Variants in TAOK3 observed in about 807,000 individuals in gnomAD.
TAOK3 encodes the protein serine/threonine-protein kinase TAO3.
A neutral mutation model predicts 120.4 loss-of-function variants in TAOK3; 40 were observed. The ratio of observed to expected loss-of-function variants is 0.33; its 90% CI spans 0.26 to 0.43. The LOEUF is 0.43. Among genes scored for constraint, TAOK3 ranks in the 20% least tolerant of loss-of-function variants. The probability of loss-of-function intolerance (pLI) is 1.00; values close to 1 mark genes in which losing one functional copy is unlikely to be tolerated. For missense variants in TAOK3, 821 were observed against 1,112.1 expected (o/e 0.74, Z 3.72); for synonymous variants, 355 against 387.5 (o/e 0.92, Z 0.99).
chr12:118,316,792 A>C (rs1309809213), intron 1 of TAOK3, among the ~76,000 whole-genome samples: 1 of 152,214 alleles, frequency 6.6e-6, no homozygotes, highest in African/African-American at 2.4e-5. Context: ...TAAATTTAGC[A>C]AAGTTCCAGG....
chr12:118,222,682 C>G (rs2039295539), intron 9 of TAOK3, among the ~76,000 whole-genome samples: 1 of 151,976 alleles, frequency 6.6e-6, no homozygotes, highest in Admixed American at 6.6e-5. Flanking sequence ...ATTGGAAAAC[C>G]AAACAGCATT....
chr12:118,211,730 CTCAG>C (rs1286996465), intron 11 of TAOK3, among the ~76,000 whole-genome samples: 1 of 152,020 alleles, frequency 6.6e-6, no homozygotes, highest in East Asian at 1.9e-4. Flanking sequence ...ATCCTCCTGC[CTCAG>C]CCTCCTGAGA....
intron 17 of TAOK3, among the ~76,000 whole-genome samples, chr12:118,168,135 A>G (rs1297893399): frequency 6.6e-6 from 1 of 152,108 alleles, no homozygotes; most frequent in Non-Finnish European, 1.5e-5. Flanking sequence ...ATTAATGGAG[A>G]CTGTTTGAGG....
chr12:118,288,297 A>G (rs1220583936), intron 1 of TAOK3, among the ~76,000 whole-genome samples: 1 of 152,074 alleles, frequency 6.6e-6, no homozygotes, highest in Non-Finnish European at 1.5e-5. Context: ...CCCCCAATTC[A>G]TATGTAGAAA....
At position 118,162,060 on chromosome 12, in the gene TAOK3, G is replaced by A. The variant is rs201446583; in HGVS notation, c.1900-33C>T. 1.3e-4 allele frequency: 208 copies of A among 1,605,266 alleles called. 2 individuals carry two copies. In the South Asian group the frequency reaches 2.2e-3, roughly 17 times the overall value. On this transcript the variant is annotated intron_variant, in intron 17 of 20. Transcript: ENST00000392533. ...CAGGAACAAAAGATAAACGGAGAGAGGTGAATGGAGATGAACTGGAAGGAA... is the reference window on the plus strand; with the variant it reads ...CAGGAACAAAAGATAAACGGAGAGAAGTGAATGGAGATGAACTGGAAGGAA...
chr12:118,235,932 G>A, intron 7 of TAOK3: 2 of 324,248 alleles, frequency 6.2e-6, no homozygotes, highest in African/African-American at 2.1e-5. Flanking sequence ...ATACAAATGA[G>A]AAAAAAGGCA....
intron 1 of TAOK3, among the ~76,000 whole-genome samples, chr12:118,356,652 C>T (rs201736642): frequency 6.6e-6 from 1 of 152,080 alleles, no homozygotes; most frequent in African/African-American, 2.4e-5. Flanking sequence ...GTGGCTCACA[C>T]CTGTAATCCC....
chr12:118,271,257 C>A (rs1041317880), intron 1 of TAOK3, among the ~76,000 whole-genome samples: 1 of 152,118 alleles, frequency 6.6e-6, no homozygotes, highest in Non-Finnish European at 1.5e-5. Flanking sequence ...CAACCGTTAC[C>A]AACCACAGTT....
intron 2 of TAOK3, among the ~76,000 whole-genome samples, chr12:118,265,928 A>G (rs1282746919): frequency 6.6e-6 from 1 of 152,084 alleles, no homozygotes; most frequent in Non-Finnish European, 1.5e-5. Flanking sequence ...GTTTCTGTGT[A>G]TTTTCTAAAA....
chr12:118,237,077 T>C (rs2040047988), intron 7 of TAOK3, among the ~76,000 whole-genome samples: 1 of 152,180 alleles, frequency 6.6e-6, no homozygotes, highest in African/African-American at 2.4e-5. Flanking sequence ...GACATTATGA[T>C]AATTTTATTT....
intron 1 of TAOK3, chr12:118,359,777 T>C (rs1475070006): frequency 1.3e-5 from 2 of 152,066 alleles, no homozygotes; most frequent in African/African-American, 4.8e-5. Flanking sequence ...CACCCTTCCT[T>C]TTGTAAGAGA....
intron 1 of TAOK3, among the ~76,000 whole-genome samples, chr12:118,315,783 G>C (rs2043434945): frequency 6.6e-6 from 1 of 152,196 alleles, no homozygotes; most frequent in Admixed American, 6.6e-5. Context: ...ACAGTGTTGG[G>C]AAAGAGGGAA....
At chr12:118,240,075 G>C (rs191772017) in intron 5 of TAOK3, among the ~76,000 whole-genome samples, 2 of 152,156 alleles carry the variant, frequency 1.3e-5, no homozygotes, top group Non-Finnish European at 2.9e-5. Context: ...GGCTAAGGAC[G>C]GAGAATCGCT....
intron 5 of TAOK3, among the ~76,000 whole-genome samples, chr12:118,241,977 C>T (rs960337926): frequency 6.6e-6 from 1 of 151,702 alleles, no homozygotes; most frequent in Non-Finnish European, 1.5e-5. Context: ...GGGTGTGGTA[C>T]TCCGGTGGCT....
intron 13 of TAOK3, among the ~76,000 whole-genome samples, chr12:118,194,718 T>G (rs1779646368): frequency 6.8e-6 from 1 of 146,474 alleles, no homozygotes; most frequent in South Asian, 2.1e-4. Flanking sequence ...AAGGGTCAAA[T>G]AAAGCTTTAG....
chr12:118,197,878 G>A (rs1164318182), intron 13 of TAOK3, among the ~76,000 whole-genome samples: 1 of 151,702 alleles, frequency 6.6e-6, no homozygotes, highest in African/African-American at 2.4e-5. Flanking sequence ...TAGTAGAGAC[G>A]GGGTTTCACC....
intron 1 of TAOK3, among the ~76,000 whole-genome samples, chr12:118,318,080 T>A (rs1295452571): frequency 6.6e-6 from 1 of 152,046 alleles, no homozygotes; most frequent in Non-Finnish European, 1.5e-5. Context: ...AAAATGAAGT[T>A]GGGCCCTTAC....
intron 9 of TAOK3, among the ~76,000 whole-genome samples, chr12:118,228,498 T>C (rs1189612596): frequency 6.6e-6 from 1 of 152,202 alleles, no homozygotes; most frequent in Non-Finnish European, 1.5e-5. Context: ...TATAAAATTT[T>C]CATAACTGGC....
At chr12:118,240,569 C>T (rs556815223) in intron 5 of TAOK3, among the ~76,000 whole-genome samples, 2 of 151,832 alleles carry the variant, frequency 1.3e-5, no homozygotes, top group African/African-American at 4.8e-5. Context: ...TGGTCTTGAT[C>T]TCCTGACCTC....
Sources: gnomAD v4.1 joint callset for allele counts (sites outside exome capture counted in the v4.1 genomes callset) on GRCh38, gnomAD v4.1.1 for gene constraint, MANE v1.5 for transcripts, NCBI Gene and HGNC (gene_info 2026-07-23, HGNC 2026-07-21) for gene names.